RNF4: variants seen among roughly 807,000 people sequenced by gnomAD.
RNF4 encodes the protein ring finger protein 4.
In RNF4, 7 loss-of-function variants were observed where a neutral mutation model predicts 24.3. The ratio of observed to expected loss-of-function variants is 0.29; its 90% confidence interval spans 0.16 to 0.54. The LOEUF is 0.54. Among genes scored for constraint, RNF4 ranks in the 20% least tolerant of loss-of-function variants. RNF4 has a pLI of 0.95. For missense variants in RNF4, 209 were observed against 248.5 expected (o/e 0.84, Z 1.07); for synonymous variants, 83 against 84.3 (o/e 0.98, Z 0.09).
At chr4:2,471,828 CAGA>C (rs1734917795) in intron 1 of RNF4, among the ~76,000 whole-genome samples, 1 of 152,120 alleles carries the variant, frequency 6.6e-6, no homozygotes, top group Non-Finnish European at 1.5e-5. Context: ...GAGGAAGCTG[CAGA>C]AGAAAAGTTT....
Position 2,512,524 on chromosome 4 carries a change from T to C in RNF4, c.301T>C (p.Ser101Pro). The part of the protein sequence containing the change: ...CVVSSDDEEL[S>P]RDRDVYVTTH... ...GGTGAGCAGTGACGATGAGGAGTTGTCCAGGGACAGAGACGTATATGTGAC... is the reference window on the plus strand; with the variant it reads ...GGTGAGCAGTGACGATGAGGAGTTGCCCAGGGACAGAGACGTATATGTGAC... The change falls in exon 6 of 8, where the codon TCC (serine) becomes CCC (proline). Residue 101 changes from serine to proline, a missense_variant. Physicochemically the swap from Ser to Pro is moderately conservative, Grantham distance 74. Transcript: ENST00000314289. The surrounding 1 kb of genome is among the most constrained non-coding windows in gnomAD (Gnocchi z 4.1). 6.2e-7 allele frequency: 1 copy of C among 1,613,854 alleles called. No homozygotes were observed. Among genetic ancestry groups the C allele is most frequent in the Non-Finnish European group, 8.5e-7 (1 of 1,179,832 alleles).
intron 4 of RNF4, among the ~76,000 whole-genome samples, chr4:2,504,237 A>G (rs568289994): frequency 6.6e-6 from 1 of 152,324 alleles, no homozygotes; most frequent in South Asian, 2.1e-4. Flanking sequence ...GGCATTGCAT[A>G]GCCTAGAAAA....
intron 2 of RNF4, among the ~76,000 whole-genome samples, chr4:2,494,172 C>T (rs4974704): frequency 0.9 from 136,439 of 152,156 alleles, 61,386 homozygotes; most frequent in African/African-American, 0.97. Context: ...AACGTAAATT[C>T]AATTTTTTTT....
intron 2 of RNF4, among the ~76,000 whole-genome samples, chr4:2,492,427 C>G (rs1267382043): frequency 2.0e-5 from 3 of 152,144 alleles, no homozygotes; most frequent in Non-Finnish European, 4.4e-5. Flanking sequence ...CCTGAAGGTC[C>G]CCCTGTCCCA....
intron 7 of RNF4, 98 bp from the exon 8 acceptor site, chr4:2,513,568 TTTAA>T (rs1303329088): frequency 4.2e-5 from 60 of 1,424,838 alleles, no homozygotes; most frequent in Admixed American, 7.9e-5. Context: ...CTTGCTTTCC[TTTAA>T]TTAGTCATCT....
At chr4:2,487,312 GTCTC>G (rs1327430834) in intron 1 of RNF4, among the ~76,000 whole-genome samples, 1 of 151,992 alleles carries the variant, frequency 6.6e-6, no homozygotes, top group Non-Finnish European at 1.5e-5. Context: ...TTGAGACAGA[GTCTC>G]TCTCTGTTGG....
At chr4:2,487,531 C>G (rs902462565) in intron 1 of RNF4, among the ~76,000 whole-genome samples, 3 of 152,240 alleles carry the variant, frequency 2.0e-5, no homozygotes, top group Non-Finnish European at 4.4e-5. Flanking sequence ...AGTGATCTGC[C>G]TGCCTCAGCC....
intron 1 of RNF4, among the ~76,000 whole-genome samples, chr4:2,474,881 G>T (rs985266369): frequency 6.6e-6 from 1 of 152,142 alleles, no homozygotes; most frequent in Non-Finnish European, 1.5e-5. Context: ...AAAAAAATTA[G>T]CTGGGCGTGG....
chr4:2,492,573 T>C lies in RNF4; in HGVS notation c.9+2071T>C, dbSNP rs548026955. On this transcript the variant is annotated intron_variant, in intron 2 of 7. Transcript: ENST00000314289. The stretch of plus-strand genomic sequence containing the variant: ...ATAGCCTGCTGATTTCTTCCAGTGC[T>C]CCAGAAGTACTGTGAATGGTATGGG... Among the ~76,000 whole-genome samples the C allele has an allele frequency of 2.6e-5, 4 of 152,346 alleles. No individual in the cohort carries two copies. In the South Asian group the frequency reaches 8.3e-4, roughly 32 times the overall value.
In RNF4 at chr4:2,490,412, G is replaced by A. The variant is rs1262097309; in HGVS notation, c.-82G>A. On this transcript the variant is annotated 5_prime_UTR_variant, in exon 2 of 8. Transcript: ENST00000314289. ...GATGAGTAACCAGAGGGCATGAAAG[G>A]TTGAGAACATTTGACTTCCCTGCAA... 4 of 1,445,376 alleles carry A rather than the reference G, an allele frequency of 2.8e-6. No individual in the cohort carries two copies. The highest frequency in any genetic ancestry group is 3.8e-6 in the Non-Finnish European group (4 of 1,040,966). 89.5% of individuals were successfully genotyped at this position (1,445,376 alleles called of 1,614,324 possible).
chr4:2,497,889 C>T (rs1246039950), intron 3 of RNF4, among the ~76,000 whole-genome samples: 1 of 152,174 alleles, frequency 6.6e-6, no homozygotes, highest in Non-Finnish European at 1.5e-5. Context: ...CCGTCTCGGC[C>T]TCCCAAAGTG....
chr4:2,474,157 C>T (rs1018273344), intron 1 of RNF4, among the ~76,000 whole-genome samples: 6 of 151,860 alleles, frequency 4.0e-5, no homozygotes, highest in African/African-American at 1.2e-4. Context: ...AGGCGGATCA[C>T]GAGGTCAGGA....
rs1735463649 is a variant in RNF4, at chr4:2,488,047, GCACCCTCCT to G, written c.-157-2283_-157-2275del. Among the ~76,000 whole-genome samples, 4 of 152,300 alleles carry G rather than the reference GCACCCTCCT, an allele frequency of 2.6e-5. No individual in the cohort carries two copies. In the South Asian group the frequency reaches 8.3e-4, roughly 32 times the overall value. ...CTAACTTCGTTATAGCTGCCTGCCA[GCACCCTCCT>G]CACCCTTCTCCCCGCCCTAGATTCT... is the stretch of plus-strand genomic sequence containing the variant. On this transcript the variant is annotated intron_variant, in intron 1 of 7. Transcript: ENST00000314289.
At chr4:2,473,060 A>G (rs1238791906) in intron 1 of RNF4, among the ~76,000 whole-genome samples, 1 of 150,718 alleles carries the variant, frequency 6.6e-6, no homozygotes, top group Non-Finnish European at 1.5e-5. Flanking sequence ...AAAAAAAAGA[A>G]TATTTGTGAT....
chr4:2,493,169 G>A (rs1735630213), intron 2 of RNF4, among the ~76,000 whole-genome samples: 1 of 152,134 alleles, frequency 6.6e-6, no homozygotes, highest in Non-Finnish European at 1.5e-5. Flanking sequence ...GAGTGGGAGG[G>A]TAAAGGATGT....
intron 1 of RNF4, among the ~76,000 whole-genome samples, chr4:2,470,758 CCTCCTGTAG>C (rs1335766904): frequency 6.6e-6 from 1 of 151,998 alleles, no homozygotes; most frequent in Admixed American, 6.6e-5. Flanking sequence ...CAGTCGTGGT[CCTCCTGTAG>C]CTGGGTGAGG....
intron 4 of RNF4, among the ~76,000 whole-genome samples, chr4:2,508,139 G>A (rs1736158559): frequency 6.6e-6 from 1 of 152,164 alleles, no homozygotes; most frequent in African/African-American, 2.4e-5. Context: ...GGGACACCAT[G>A]CCCAGCCGAG....
At chr4:2,497,368 G>C in intron 3 of RNF4, 2 of 283,816 alleles carry the variant, frequency 7.0e-6, no homozygotes, top group South Asian at 8.6e-5. Flanking sequence ...AAATGAGATA[G>C]CCCACCTTTT....
intron 4 of RNF4, among the ~76,000 whole-genome samples, chr4:2,504,524 T>TTTATTTATTTA (rs1560411814): frequency 1.3e-4 from 19 of 140,860 alleles, no homozygotes; most frequent in African/African-American, 4.4e-4. Flanking sequence ...GTTTTATAGC[T>TTTATTTATTTA]TTTATTTATT....
Sources: allele counts gnomAD v4.1 joint callset (sites outside exome capture counted in the v4.1 genomes callset), GRCh38; gene constraint gnomAD v4.1.1; non-coding constraint Gnocchi (gnomAD v3.1); transcripts MANE v1.5; gene names NCBI Gene and HGNC (gene_info 2026-07-23, HGNC 2026-07-21).